The following WDR70 variants were observed in gnomAD, a reference collection of about 807,000 sequenced individuals.
WDR70 encodes the protein WD repeat domain 70, also known as WD repeat-containing protein 70.
WDR70 carries 53 observed loss-of-function variants against 88.6 expected under a neutral mutation model. The observed-to-expected ratio is 0.60, with a 90% CI of 0.48 to 0.75. The LOEUF (loss-of-function observed/expected upper bound fraction) is 0.75, where lower values mean the gene tolerates loss of function less well. Ranked by LOEUF, WDR70 falls within the 30% of genes least tolerant of loss-of-function variation. WDR70 has a pLI of 0.00. For synonymous variants in WDR70, 280 were observed against 270.0 expected (o/e 1.04, Z -0.36); for missense variants, 610 against 823.2 (o/e 0.74, Z 3.17).
At chr5:37,526,037 C>T (rs748904995) in intron 9 of WDR70, among the ~76,000 whole-genome samples, 11 of 152,226 alleles carry the variant, frequency 7.2e-5, no homozygotes, top group South Asian at 2.1e-4. Context: ...GATTTACAGC[C>T]GAATTCTACT....
At chr5:37,415,204 C>A (rs2111969461) in intron 5 of WDR70, among the ~76,000 whole-genome samples, 1 of 152,074 alleles carries the variant, frequency 6.6e-6, no homozygotes, top group South Asian at 2.1e-4. Flanking sequence ...ACACAGCAAC[C>A]ATCCGATTTC....
At chr5:37,519,578 C>G (rs62359009) in intron 9 of WDR70, among the ~76,000 whole-genome samples, 5 of 136,498 alleles carry the variant, frequency 3.7e-5, no homozygotes, top group South Asian at 2.5e-4. Context: ...CGATGGGCGG[C>G]GGGGCAGAGG....
intron 6 of WDR70, among the ~76,000 whole-genome samples, chr5:37,439,587 A>T (rs1750588885): frequency 1.3e-5 from 2 of 151,670 alleles, no homozygotes; most frequent in Non-Finnish European, 1.5e-5. Context: ...ACACATTGAA[A>T]ATCAATTAGA....
intron 9 of WDR70, among the ~76,000 whole-genome samples, chr5:37,519,853 C>G (rs758129703): frequency 2.0e-5 from 3 of 152,226 alleles, no homozygotes; most frequent in Non-Finnish European, 4.4e-5. Flanking sequence ...ACCCTCCAAA[C>G]TGTTCTTCAT....
chr5:37,474,196 A>G (rs1739410180), intron 7 of WDR70, among the ~76,000 whole-genome samples: 1 of 152,200 alleles, frequency 6.6e-6, no homozygotes, highest in African/African-American at 2.4e-5. Context: ...AACATATGCT[A>G]TATGATTTTA....
rs1748853533 is a variant in WDR70, at chr5:37,392,206, G to A, written c.296+86G>A. The A allele has an allele frequency of 6.3e-6, 9 of 1,430,336 alleles. No homozygotes were observed. The South Asian group carries it at 1.2e-4, about 19-fold the overall frequency. The allele number at this position is 1,430,336 out of a possible 1,614,324, so 88.6% of individuals were successfully genotyped here. A position where few individuals can be genotyped will look rare whatever the true frequency, so the allele number is the denominator to read the frequency against. ...TTTTTTTTTTTTTTAATTTTTTTGA[G>A]ATGGAGTCTTGCTCTATCGCCCTCT... On this transcript the variant is annotated intron_variant, in intron 4 of 17. Transcript: ENST00000265107.
intron 8 of WDR70, among the ~76,000 whole-genome samples, chr5:37,480,525 A>T (rs1004908686): frequency 6.6e-6 from 1 of 152,218 alleles, no homozygotes; most frequent in Non-Finnish European, 1.5e-5. Flanking sequence ...GGCGGCAGGC[A>T]GGAGAGAGCA....
intron 7 of WDR70, among the ~76,000 whole-genome samples, chr5:37,470,535 A>G (rs1333822581): frequency 6.6e-6 from 1 of 152,160 alleles, no homozygotes; most frequent in Non-Finnish European, 1.5e-5. Flanking sequence ...TGCACCATAG[A>G]TTACTTTTGC....
At chr5:37,479,789 C>T (rs1739603457) in intron 7 of WDR70, 45 bp from the exon 8 acceptor site, 1 of 1,555,060 alleles carries the variant, frequency 6.4e-7, no homozygotes, top group Admixed American at 2.0e-5. Flanking sequence ...AAATTATAAA[C>T]ATTGTGCTTA....
At chr5:37,743,342 C>G (rs1262580044) in intron 17 of WDR70, among the ~76,000 whole-genome samples, 1 of 152,226 alleles carries the variant, frequency 6.6e-6, no homozygotes, top group African/African-American at 2.4e-5. Flanking sequence ...GCCTAGCATC[C>G]TAACCCCGGA....
chr5:37,752,709 G>GT lies in WDR70; in HGVS notation c.*139dup. 7.6e-6 allele frequency: 5 copies of GT among 654,668 alleles called. No individual in the cohort carries two copies. Among genetic ancestry groups the GT allele is most frequent in the Non-Finnish European group, 1.3e-5 (5 of 387,198 alleles). The allele number at this position is 654,668 out of a possible 1,614,324, so 40.6% of individuals were successfully genotyped here. On this transcript the variant is annotated 3_prime_UTR_variant, in exon 18 of 18. Coordinates refer to ENST00000265107, the MANE Select transcript of WDR70 (RefSeq NM_018034.4). ...CTTTGCATTATTGAACTGGTCAAAA[G>GT]TTTGGTGGCTAGGCTTCACTAAAAT...
intron 9 of WDR70, among the ~76,000 whole-genome samples, chr5:37,556,188 G>A (rs1742291009): frequency 6.8e-6 from 1 of 147,336 alleles, no homozygotes; most frequent in African/African-American, 2.6e-5. Flanking sequence ...GTGTTTAGAT[G>A]CAGAGAAGTA....
At chr5:37,636,552 A>G (rs1047423050) in intron 10 of WDR70, among the ~76,000 whole-genome samples, 5 of 152,334 alleles carry the variant, frequency 3.3e-5, no homozygotes, top group Middle Eastern at 3.4e-3. Context: ...GCCAGATACC[A>G]CCTTAACAGA....
intron 10 of WDR70, among the ~76,000 whole-genome samples, chr5:37,624,480 G>A (rs1744610401): frequency 6.6e-6 from 1 of 152,076 alleles, no homozygotes; most frequent in African/African-American, 2.4e-5. Context: ...TGGCTGTTGT[G>A]AATAGGGCAG....
chr5:37,577,918 G>A (rs1743104833), intron 9 of WDR70, among the ~76,000 whole-genome samples: 3 of 152,164 alleles, frequency 2.0e-5, no homozygotes, highest in Admixed American at 1.3e-4. Context: ...CATTGTATAG[G>A]TGGTGTTGAA....
chr5:37,420,997 C>T (rs1377951741), intron 5 of WDR70, among the ~76,000 whole-genome samples: 2 of 152,166 alleles, frequency 1.3e-5, no homozygotes, highest in Non-Finnish European at 2.9e-5. Context: ...GCGGATCCTT[C>T]TTTTGTGCAA....
chr5:37,505,943 T>G (rs1340374711), intron 8 of WDR70: 3 of 1,508,454 alleles, frequency 2.0e-6, no homozygotes, highest in Non-Finnish European at 1.8e-6. Flanking sequence ...TAGCACCTTC[T>G]AAATTGGCTT....
At chr5:37,484,391 A>C (rs1410371248) in intron 8 of WDR70, among the ~76,000 whole-genome samples, 2 of 152,166 alleles carry the variant, frequency 1.3e-5, no homozygotes, top group African/African-American at 4.8e-5. Context: ...TGTCTCCACC[A>C]AAAAAATATG....
chr5:37,735,262 C>T (rs1219652144), intron 17 of WDR70, among the ~76,000 whole-genome samples: 1 of 152,108 alleles, frequency 6.6e-6, no homozygotes, highest in Non-Finnish European at 1.5e-5. Flanking sequence ...TTTTTGTTCA[C>T]TTTCAAAATA....
Sources: gnomAD v4.1 joint callset for allele counts (sites outside exome capture counted in the v4.1 genomes callset) on GRCh38, gnomAD v4.1.1 for gene constraint, MANE v1.5 for transcripts, NCBI Gene and HGNC (gene_info 2026-07-23, HGNC 2026-07-21) for gene names.